NRXN1: variants seen among roughly 807,000 people sequenced by gnomAD.
NRXN1 encodes the protein neurexin-1.
In NRXN1, 39 loss-of-function variants were observed where a neutral mutation model predicts 150.9. The ratio of observed to expected loss-of-function variants is 0.26; its 90% CI spans 0.20 to 0.34. NRXN1 has a LOEUF of 0.34. Ranked by LOEUF, NRXN1 falls within the 10% of genes least tolerant of loss-of-function variation. NRXN1 has a pLI of 1.00. For missense variants in NRXN1, 1,815 were observed against 1,949.9 expected, an observed-to-expected ratio of 0.93 and a Z score of 1.30; for synonymous variants, 924 against 757.0, an observed-to-expected ratio of 1.22 and a Z score of -3.62.
Position 50,552,678 on chromosome 2 carries a change from C to T in NRXN1, c.1668G>A (p.Met556Ile). The change falls in exon 9 of 23, where the codon ATG becomes ATA. Residue 556 changes from methionine to isoleucine, a missense_variant. Physicochemically the swap from Met to Ile is conservative, Grantham distance 10 (BLOSUM62 1). Coordinates refer to ENST00000401669, the MANE Select transcript of NRXN1 (RefSeq NM_001330078.2). ...LDGHLYLLLD[M>I]GSGTIKIKAL... ...CTTTTATTTTTATAGTACCTGACCC[C>T]ATGTCCAGGAGGAGGTAGAGGTGGC... 6.2e-7 allele frequency: 1 copy of T among 1,613,816 alleles called. No homozygotes were observed.
intron 17 of NRXN1, among the ~76,000 whole-genome samples, chr2:50,311,468 A>C (rs1287534604): frequency 6.6e-6 from 1 of 152,168 alleles, no homozygotes; most frequent in African/African-American, 2.4e-5. Context: ...CCAGGAGCTC[A>C]AGAATGAAGA....
intron 22 of NRXN1, among the ~76,000 whole-genome samples, chr2:49,941,805 A>G (rs1229753310): frequency 6.6e-6 from 1 of 152,218 alleles, no homozygotes; most frequent in African/African-American, 2.4e-5. Flanking sequence ...AGACTTTGTT[A>G]CATGGATAAC....
intron 5 of NRXN1, among the ~76,000 whole-genome samples, chr2:50,634,436 A>G (rs1331784120): frequency 6.6e-6 from 1 of 152,208 alleles, no homozygotes; most frequent in Non-Finnish European, 1.5e-5. Context: ...GATCTATTTT[A>G]TAGGGTAGTT....
chr2:50,849,607 A>T (rs978451676), intron 5 of NRXN1, among the ~76,000 whole-genome samples: 29 of 152,058 alleles, frequency 1.9e-4, no homozygotes, highest in Admixed American at 7.9e-4. Context: ...AGCACAGTTC[A>T]GTTCTCTCTC....
rs113796124 is a variant in NRXN1 at position 50,168,032 on chromosome 2, GT to G, written c.3546+68756del. On this transcript the variant is annotated intron_variant, in intron 18 of 22. Coordinates refer to ENST00000401669, the MANE Select transcript of NRXN1 (RefSeq NM_001330078.2). ...TTTCAAGGTTTGCATTTTTCCAAAG[GT>G]TTTTTTTTTCAATTCCTCTGTTTGC... 8.7e-3 allele frequency among the ~76,000 whole-genome samples: 1,301 copies of G among 149,488 alleles called. 18 individuals are homozygous for G. Among genetic ancestry groups the G allele is most frequent in the African/African-American group, 0.029 (1,201 of 40,750 alleles).
chr2:50,819,774 C>T (rs1323441782), intron 5 of NRXN1, among the ~76,000 whole-genome samples: 2 of 151,956 alleles, frequency 1.3e-5, no homozygotes, highest in African/African-American at 4.8e-5. Context: ...TTTCCATGTT[C>T]ACCCCATCAT....
chr2:50,005,994 T>C (rs572453779), intron 21 of NRXN1, among the ~76,000 whole-genome samples: 1 of 152,250 alleles, frequency 6.6e-6, no homozygotes, highest in Admixed American at 6.5e-5. Context: ...TTAAAAACAC[T>C]CATGCAGAGA....
chr2:50,127,016 T>C (rs1704686514), intron 18 of NRXN1, among the ~76,000 whole-genome samples: 1 of 152,154 alleles, frequency 6.6e-6, no homozygotes, highest in Non-Finnish European at 1.5e-5. Context: ...ACGACCATGA[T>C]TCTCATGAAC....
At chr2:50,399,135 G>C (rs2082234441) in intron 17 of NRXN1, among the ~76,000 whole-genome samples, 1 of 152,056 alleles carries the variant, frequency 6.6e-6, no homozygotes, top group South Asian at 2.1e-4. Flanking sequence ...ATTTTAAAGG[G>C]TTGAGTTTTT....
intron 5 of NRXN1, among the ~76,000 whole-genome samples, chr2:50,742,617 A>AG (rs1342596339): frequency 6.6e-6 from 1 of 151,724 alleles, no homozygotes; most frequent in East Asian, 1.9e-4. Context: ...CAAAAAAAAA[A>AG]AAAAAAGAAA....
intron 17 of NRXN1, among the ~76,000 whole-genome samples, chr2:50,332,050 TA>T (rs1321623137): frequency 1.1e-4 from 16 of 152,212 alleles, no homozygotes. Context: ...AATTTAATTA[TA>T]TCTGTTTGTA....
Position 50,282,895 on chromosome 2 carries a change from T to G in NRXN1, c.3365-45925A>C, listed in dbSNP as rs550862062. On this transcript the variant is annotated intron_variant, in intron 17 of 22. Coordinates refer to ENST00000401669, the MANE Select transcript of NRXN1 (RefSeq NM_001330078.2). Reference sequence around the variant, plus strand: ...AATATTATCAACTCTAATCTCACTTTGAAGTCAAAGAGTAATCAAATTAAA... The same window carrying G: ...AATATTATCAACTCTAATCTCACTTGGAAGTCAAAGAGTAATCAAATTAAA... Among the ~76,000 whole-genome samples, 175 of 152,294 alleles carry G rather than the reference T, an allele frequency of 1.1e-3. 4 individuals carry two copies. The South Asian group carries it at 0.036, about 31-fold the overall frequency.
At chr2:50,192,906 C>G (rs1407369386) in intron 18 of NRXN1, among the ~76,000 whole-genome samples, 10 of 152,180 alleles carry the variant, frequency 6.6e-5, no homozygotes, top group Non-Finnish European at 1.3e-4. Flanking sequence ...CGTGAGCCAC[C>G]CGCCCCACAG....
Position 51,027,725 on chromosome 2 carries a change from C to G in NRXN1, c.549G>C (p.Trp183Cys), listed in dbSNP as rs1416806597. The change falls in exon 2 of 23, where the codon TGG becomes TGC. Residue 183 changes from tryptophan to cysteine, a missense_variant. Transcript: ENST00000401669. The part of the protein sequence containing the change: ...SVREREPFKG[W>C]IRDVRVNSSQ... ...AGGAGTTGACCCTCACGTCACGAAT[C>G]CACCCCTTGAAGGGCTCCCGCTCCC... The G allele has an allele frequency of 2.3e-5, 37 of 1,610,482 alleles. No individual in the cohort carries two copies. The highest frequency in any genetic ancestry group is 2.9e-5 in the Non-Finnish European group (34 of 1,178,214).
chr2:50,122,133 T>A (rs1703945777), intron 18 of NRXN1, among the ~76,000 whole-genome samples: 1 of 152,208 alleles, frequency 6.6e-6, no homozygotes, highest in African/African-American at 2.4e-5. Flanking sequence ...ACTTGCTGTT[T>A]AAATATCCCT....
intron 18 of NRXN1, among the ~76,000 whole-genome samples, chr2:50,210,313 A>G (rs1022738075): frequency 6.6e-6 from 1 of 151,942 alleles, no homozygotes; most frequent in African/African-American, 2.4e-5. Flanking sequence ...TATTAATTTC[A>G]GCTTCCTAAT....
chr2:50,850,512 C>G (rs1389725356), intron 5 of NRXN1, among the ~76,000 whole-genome samples: 3 of 152,050 alleles, frequency 2.0e-5, no homozygotes, highest in African/African-American at 7.2e-5. Context: ...GCTCAGAGTC[C>G]TTCTCAACAT....
intron 5 of NRXN1, among the ~76,000 whole-genome samples, chr2:50,811,426 T>C (rs1438715457): frequency 6.6e-6 from 1 of 152,170 alleles, no homozygotes; most frequent in East Asian, 1.9e-4. Context: ...AGACAAAGAA[T>C]CAAGATACAC....
intron 17 of NRXN1, among the ~76,000 whole-genome samples, chr2:50,439,745 A>G (rs1472111237): frequency 6.6e-6 from 1 of 151,626 alleles, no homozygotes; most frequent in Non-Finnish European, 1.5e-5. Flanking sequence ...TGAACCTGGG[A>G]GGCAGAGCTT....
Sources: gnomAD v4.1 joint callset for allele counts (sites outside exome capture counted in the v4.1 genomes callset) on GRCh38, gnomAD v4.1.1 for gene constraint, MANE v1.5 for transcripts, NCBI Gene and HGNC (gene_info 2026-07-23, HGNC 2026-07-21) for gene names.